Variants in KIAA1549L observed in about 807,000 individuals in gnomAD.
The protein encoded by KIAA1549L is KIAA1549 like.
A neutral mutation model predicts 160.7 loss-of-function variants in KIAA1549L; 88 were observed. That is an observed-to-expected ratio of 0.55 (90% CI 0.46 to 0.65). KIAA1549L has a LOEUF of 0.65. KIAA1549L is among the 30% of genes least tolerant of loss of function. The probability of loss-of-function intolerance (pLI) is 0.00; values close to 1 mark genes in which losing one functional copy is unlikely to be tolerated. For synonymous variants in KIAA1549L, 950 were observed against 976.7 expected, an observed-to-expected ratio of 0.97 and a Z score of 0.51; for missense variants, 2,258 against 2,437.5, an observed-to-expected ratio of 0.93 and a Z score of 1.55.
At chr11:33,414,620 A>C (rs1850851871) in intron 1 of KIAA1549L, among the ~76,000 whole-genome samples, 1 of 152,236 alleles carries the variant, frequency 6.6e-6, no homozygotes, top group Admixed American at 6.5e-5. Flanking sequence ...GTAGCAGGGA[A>C]CATATTCCTT....
chr11:33,467,870 C>T (rs1852094840), intron 1 of KIAA1549L, among the ~76,000 whole-genome samples: 1 of 152,138 alleles, frequency 6.6e-6, no homozygotes, highest in African/African-American at 2.4e-5. Context: ...GTGAAAAACT[C>T]TGCAGTTAAA....
In KIAA1549L at chr11:33,430,009, C is replaced by CCCTCCCTTCCTTCCTTCCTTCCTT. The variant is rs369468169; in HGVS notation, c.238+53123_238+53124insCCCTTCCTTCCTTCCTTCCTTCCT. Among the ~76,000 whole-genome samples, 5 of 93,390 alleles carry CCCTCCCTTCCTTCCTTCCTTCCTT rather than the reference C, an allele frequency of 5.4e-5. 1 individual carries two copies. Among genetic ancestry groups the CCCTCCCTTCCTTCCTTCCTTCCTT allele is most frequent in the South Asian group, 4.2e-4 (1 of 2,406 alleles). The allele number at this position is 93,390 out of a possible 152,430, so 61.3% of individuals were successfully genotyped here. A position where few individuals can be genotyped will look rare whatever the true frequency, so the allele number is the denominator to read the frequency against. ...TCATGTGGCAGCTCTGCTCTGCCCT[C>CCCTCCCTTCCTTCCTTCCTTCCTT]CCTTCCTTCCTTCCTTCCTTCCTTC... On this transcript the variant is annotated intron_variant, in intron 1 of 20. Coordinates refer to ENST00000658780, the MANE Select transcript of KIAA1549L (RefSeq NM_012194.3).
intron 17 of KIAA1549L, among the ~76,000 whole-genome samples, chr11:33,653,184 A>G (rs1302396474): frequency 6.6e-6 from 1 of 152,208 alleles, no homozygotes; most frequent in Non-Finnish European, 1.5e-5. Context: ...GACTACTGTA[A>G]TAAGACAGAC....
At chr11:33,433,510 C>T (rs1259124001) in intron 1 of KIAA1549L, among the ~76,000 whole-genome samples, 1 of 152,158 alleles carries the variant, frequency 6.6e-6, no homozygotes, top group Non-Finnish European at 1.5e-5. Flanking sequence ...ATTAGTTCCA[C>T]TATTATGGAA....
chr11:33,578,133 G>A (rs1369722507), intron 10 of KIAA1549L, among the ~76,000 whole-genome samples: 3 of 152,186 alleles, frequency 2.0e-5, no homozygotes, highest in South Asian at 2.1e-4. Flanking sequence ...CAGGAGGACC[G>A]GGTGAGGCTA....
intron 1 of KIAA1549L, among the ~76,000 whole-genome samples, chr11:33,424,405 A>G (rs1239747571): frequency 3.9e-5 from 6 of 152,332 alleles, no homozygotes. Flanking sequence ...GGAAACCATT[A>G]TACATCCACC....
At chr11:33,477,408 A>T (rs1332885403) in intron 1 of KIAA1549L, among the ~76,000 whole-genome samples, 1 of 152,210 alleles carries the variant, frequency 6.6e-6, no homozygotes, top group Admixed American at 6.5e-5. Flanking sequence ...GCCCAATGGG[A>T]TGGAACACAA....
chr11:33,635,263 G>A (rs989376505), intron 16 of KIAA1549L, among the ~76,000 whole-genome samples: 1 of 152,218 alleles, frequency 6.6e-6, no homozygotes, highest in Non-Finnish European at 1.5e-5. Flanking sequence ...GCACTGTTTT[G>A]TGTGGCCCAA....
At chr11:33,478,691 A>G (rs1190557426) in intron 1 of KIAA1549L, among the ~76,000 whole-genome samples, 5 of 152,200 alleles carry the variant, frequency 3.3e-5, no homozygotes, top group Non-Finnish European at 7.3e-5. Flanking sequence ...GAACTATCTC[A>G]TTTAATCCTC....
intron 1 of KIAA1549L, among the ~76,000 whole-genome samples, chr11:33,429,054 C>T (rs1851178550): frequency 6.6e-6 from 1 of 152,168 alleles, no homozygotes; most frequent in South Asian, 2.1e-4. Context: ...TCAGTGCAAC[C>T]TCCGCCTCCC....
chr11:33,559,325 C>T (rs994836300), intron 6 of KIAA1549L, among the ~76,000 whole-genome samples: 2 of 152,188 alleles, frequency 1.3e-5, no homozygotes, highest in African/African-American at 4.8e-5. Flanking sequence ...TTCAGAATCA[C>T]AAAAGTAACC....
At chr11:33,580,571 C>CAAAAAAAAAAA (rs368467299) in intron 10 of KIAA1549L, among the ~76,000 whole-genome samples, 3 of 52,486 alleles carry the variant, frequency 5.7e-5, no homozygotes, top group African/African-American at 1.1e-4. Context: ...GATTCTGCCT[C>CAAAAAAAAAAA]AAAAAAAAAA....
At chr11:33,590,486 T>C (rs989367252) in intron 11 of KIAA1549L, among the ~76,000 whole-genome samples, 9 of 152,352 alleles carry the variant, frequency 5.9e-5, no homozygotes, top group East Asian at 1.9e-4. Flanking sequence ...TAGATGTCTG[T>C]TGGATTTTGC....
intron 1 of KIAA1549L, among the ~76,000 whole-genome samples, chr11:33,468,466 G>A (rs1345160035): frequency 6.6e-6 from 1 of 152,240 alleles, no homozygotes. Context: ...ACCTAGTGTG[G>A]CACCTGCTGG....
chr11:33,658,688 C>T, intron 18 of KIAA1549L, 62 bp from the exon 19 acceptor site: 1 of 1,533,064 alleles, frequency 6.5e-7, no homozygotes, highest in Non-Finnish European at 8.8e-7. Flanking sequence ...GCGCACTCCT[C>T]CTGCTCGGGA....
At chr11:33,448,070 A>T (rs1204092406) in intron 1 of KIAA1549L, among the ~76,000 whole-genome samples, 1 of 152,048 alleles carries the variant, frequency 6.6e-6, no homozygotes, top group African/African-American at 2.4e-5. Flanking sequence ...TATTTTTTTT[A>T]ATTATTATTT....
Position 33,674,009 on chromosome 11 carries a change from G to T in KIAA1549L, c.*5855G>T, listed in dbSNP as rs560807369. On this transcript the variant is annotated 3_prime_UTR_variant, in exon 21 of 21. Transcript: ENST00000658780. ...AATGCTTCGCTTTCTAATGAACTTT[G>T]TACGTCCTTAGCCTCTGCCGGGAAC... The T allele has an allele frequency of 6.6e-6, 1 of 152,310 alleles. No individual in the cohort carries two copies. Among genetic ancestry groups the T allele is most frequent in the South Asian group, 2.1e-4 (1 of 4,826 alleles). The allele number at this position is 152,310 out of a possible 1,614,324, so 9.4% of individuals were successfully genotyped here.
chr11:33,473,097 C>G (rs1852213935), intron 1 of KIAA1549L, among the ~76,000 whole-genome samples: 1 of 152,232 alleles, frequency 6.6e-6, no homozygotes, highest in Non-Finnish European at 1.5e-5. Context: ...GTCTGTACTT[C>G]AGACTTGGAT....
rs1855385913 is a variant in KIAA1549L, at chr11:33,574,725, A to G, written c.4254A>G (p.Pro1418=). Residue 1418 remains proline, a synonymous_variant, in exon 10 of 21, where the codon CCA becomes CCG. Coordinates refer to ENST00000658780, the MANE Select transcript of KIAA1549L (RefSeq NM_012194.3). The part of the protein sequence containing the change: ...TVQMVKMQRV[P]GPKDPAELTY... Reference sequence around the variant, plus strand: ...AGATGGTGAAGATGCAGCGTGTCCCAGGCCCGAAGGACCCAGCGGAGCTGA... The same window carrying G: ...AGATGGTGAAGATGCAGCGTGTCCCGGGCCCGAAGGACCCAGCGGAGCTGA... 1 of 1,612,028 alleles carries G rather than the reference A, an allele frequency of 6.2e-7. No individual in the cohort carries two copies. Among genetic ancestry groups the G allele is most frequent in the Admixed American group, 1.7e-5 (1 of 59,720 alleles).
Sources: gnomAD v4.1 joint callset for allele counts (sites outside exome capture counted in the v4.1 genomes callset) on GRCh38, gnomAD v4.1.1 for gene constraint, MANE v1.5 for transcripts, NCBI Gene and HGNC (gene_info 2026-07-23, HGNC 2026-07-21) for gene names.